The following CDH18 variants were observed in gnomAD, a reference collection of about 807,000 sequenced individuals.
CDH18 encodes the protein cadherin-18.
CDH18 carries 31 observed loss-of-function variants against 67.9 expected under a neutral mutation model. The observed-to-expected ratio is 0.46, with a 90% confidence interval of 0.34 to 0.62. The LOEUF is 0.62. CDH18 is among the 20% of genes least tolerant of loss of function. The pLI is 0.01. For missense variants in CDH18, 890 were observed against 975.5 expected, an observed-to-expected ratio of 0.91 and a Z score of 1.17; for synonymous variants, 362 against 347.2, an observed-to-expected ratio of 1.04 and a Z score of -0.48.
At chr5:20,572,237 T>A (rs1758860282) in intron 1 of CDH18, among the ~76,000 whole-genome samples, 2 of 149,072 alleles carry the variant, frequency 1.3e-5, no homozygotes, top group Admixed American at 1.3e-4. Context: ...AAAAAAAAGG[T>A]AATATTCTCT....
At chr5:19,536,024 T>C (rs907514600) in intron 9 of CDH18, among the ~76,000 whole-genome samples, 1 of 152,150 alleles carries the variant, frequency 6.6e-6, no homozygotes, top group African/African-American at 2.4e-5. Context: ...GTTGAGCTGG[T>C]ATGATGGGTG....
chr5:20,532,966 G>A (rs898323524), intron 1 of CDH18, among the ~76,000 whole-genome samples: 3 of 151,246 alleles, frequency 2.0e-5, no homozygotes, highest in African/African-American at 7.3e-5. Flanking sequence ...CTCCTATGCT[G>A]AAGTCCTCTC....
intron 5 of CDH18, among the ~76,000 whole-genome samples, chr5:19,640,168 A>G (rs36082334): frequency 0.034 from 5,180 of 152,254 alleles, 300 homozygotes; most frequent in African/African-American, 0.12. Flanking sequence ...TAATATGAAA[A>G]CAAACATTTT....
chr5:19,976,084 G>C (rs970769102), intron 2 of CDH18, among the ~76,000 whole-genome samples: 2 of 152,072 alleles, frequency 1.3e-5, no homozygotes, highest in Non-Finnish European at 2.9e-5. Flanking sequence ...TCGACCCAGT[G>C]AAATTCATAT....
chr5:20,519,520 A>G (rs1260920652), intron 1 of CDH18, among the ~76,000 whole-genome samples: 1 of 152,176 alleles, frequency 6.6e-6, no homozygotes, highest in East Asian at 1.9e-4. Flanking sequence ...ACCTAATGCT[A>G]AATGATGAGT....
At chr5:20,542,371 T>C (rs1581174885) in intron 1 of CDH18, among the ~76,000 whole-genome samples, 1 of 151,552 alleles carries the variant, frequency 6.6e-6, no homozygotes, top group African/African-American at 2.4e-5. Context: ...GCAGTAATTA[T>C]AAAACATCCC....
intron 11 of CDH18, among the ~76,000 whole-genome samples, chr5:19,485,883 G>A (rs575720351): frequency 7.2e-5 from 11 of 152,166 alleles, no homozygotes; most frequent in South Asian, 6.2e-4. Context: ...TGTAGATGGC[G>A]GCTCTTTCAT....
chr5:20,174,116 GAA>G (rs1438790451), intron 2 of CDH18, among the ~76,000 whole-genome samples: 2 of 152,236 alleles, frequency 1.3e-5, no homozygotes, highest in East Asian at 3.9e-4. Context: ...GAAGAGAAAA[GAA>G]TGAAATGAAC....
intron 2 of CDH18, among the ~76,000 whole-genome samples, chr5:19,955,507 T>C (rs1796178330): frequency 6.6e-6 from 1 of 152,090 alleles, no homozygotes; most frequent in Non-Finnish European, 1.5e-5. Context: ...CATGTACTTG[T>C]ATAGATTTTA....
chr5:20,535,165 A>G (rs1756641617), intron 1 of CDH18, among the ~76,000 whole-genome samples: 1 of 152,122 alleles, frequency 6.6e-6, no homozygotes, highest in Non-Finnish European at 1.5e-5. Context: ...GGAGAAACCA[A>G]TTCCTTATTC....
chr5:20,396,495 T>A (rs1202526694), intron 1 of CDH18, among the ~76,000 whole-genome samples: 1 of 151,986 alleles, frequency 6.6e-6, no homozygotes, highest in African/African-American at 2.4e-5. Context: ...ATAATGAAGC[T>A]ACTACTTACA....
intron 2 of CDH18, among the ~76,000 whole-genome samples, chr5:20,006,731 AAC>A (rs1342990525): frequency 1.3e-5 from 2 of 152,008 alleles, no homozygotes; most frequent in African/African-American, 4.8e-5. Context: ...TATGTCATGA[AAC>A]ACAGTACTTA....
intron 3 of CDH18, among the ~76,000 whole-genome samples, chr5:19,760,633 C>T (rs1486876477): frequency 1.3e-5 from 2 of 152,164 alleles, no homozygotes; most frequent in African/African-American, 4.8e-5. Context: ...AATATCCATC[C>T]CCATGCCTGT....
intron 2 of CDH18, among the ~76,000 whole-genome samples, chr5:19,921,479 C>T (rs764689350): frequency 2.6e-4 from 39 of 149,544 alleles, no homozygotes; most frequent in South Asian, 8.4e-4. Flanking sequence ...TGCAGTGAGC[C>T]GAGATCGCTC....
Position 19,711,622 on chromosome 5 carries a change from A to G in CDH18, c.643+9725T>C, listed in dbSNP as rs1355194044. Among the ~76,000 whole-genome samples, 18 of 150,066 alleles carry G rather than the reference A, an allele frequency of 1.2e-4. No homozygotes were observed. The South Asian group carries it at 3.4e-3, about 28-fold the overall frequency. ...AAACCACAATGGAATAACAGCTTAC[A>G]CAAGTCAGAATGACTGTTAGTATAA... is the stretch of plus-strand genomic sequence containing the variant. On this transcript the variant is annotated intron_variant, in intron 5 of 12. Transcript: ENST00000382275.
At chr5:19,477,112 C>T (rs115902506) in intron 12 of CDH18, among the ~76,000 whole-genome samples, 2,793 of 148,534 alleles carry the variant, frequency 0.019, 82 homozygotes, top group African/African-American at 0.065. Context: ...TTGTTACATA[C>T]TTATTTAATA....
At chr5:20,310,187 T>G (rs1736862963) in intron 1 of CDH18, among the ~76,000 whole-genome samples, 1 of 152,218 alleles carries the variant, frequency 6.6e-6, no homozygotes, top group East Asian at 1.9e-4. Flanking sequence ...TCTACGAGGT[T>G]TAACTCATTT....
intron 3 of CDH18, among the ~76,000 whole-genome samples, chr5:19,810,438 A>G (rs1778516292): frequency 6.6e-6 from 1 of 152,160 alleles, no homozygotes; most frequent in South Asian, 2.1e-4. Context: ...CGAAGAGCAT[A>G]GGATAATGAT....
intron 1 of CDH18, among the ~76,000 whole-genome samples, chr5:20,309,219 G>A (rs888768863): frequency 6.6e-6 from 1 of 152,180 alleles, no homozygotes; most frequent in African/African-American, 2.4e-5. Flanking sequence ...TCTTGAGGGA[G>A]GAAGAAACAG....
Sources: gnomAD v4.1 joint callset for allele counts (sites outside exome capture counted in the v4.1 genomes callset) on GRCh38, gnomAD v4.1.1 for gene constraint, MANE v1.5 for transcripts, NCBI Gene and HGNC (gene_info 2026-07-23, HGNC 2026-07-21) for gene names.